The following NLK variants were observed in gnomAD, a reference collection of about 807,000 sequenced individuals.
NLK encodes nemo like kinase.
A neutral mutation model predicts 59.0 loss-of-function variants in NLK; 11 were observed. The ratio of observed to expected loss-of-function variants is 0.19; its 90% confidence interval spans 0.12 to 0.31. NLK has a LOEUF of 0.31. NLK is among the 10% of genes least tolerant of loss of function. The pLI is 1.00. For missense variants in NLK, 410 were observed against 661.1 expected (o/e 0.62, Z 4.16); for synonymous variants, 235 against 235.9 (o/e 1.00, Z 0.03).
Position 28,194,978 on chromosome 17 carries a change from A to T in NLK, c.*342A>T. 1 of 179,262 alleles carries T rather than the reference A, an allele frequency of 5.6e-6. No homozygotes were observed. 11.1% of individuals were successfully genotyped at this position (179,262 alleles called of 1,614,324 possible). A position where few individuals can be genotyped will look rare whatever the true frequency, so the allele number is the denominator to read the frequency against. On this transcript the variant is annotated 3_prime_UTR_variant, in exon 11 of 11. Coordinates refer to ENST00000407008, the MANE Select transcript of NLK (RefSeq NM_016231.5). The stretch of plus-strand genomic sequence containing the variant: ...TTTTTCTTTTCTAAAATGAAGTGAG[A>T]TTGTTCACACACACACACACACACA...
At chr17:28,147,124 T>C (rs1907289136) in intron 3 of NLK, among the ~76,000 whole-genome samples, 1 of 152,168 alleles carries the variant, frequency 6.6e-6, no homozygotes, top group Non-Finnish European at 1.5e-5. Context: ...CATTCATCCA[T>C]CTTTTTTCTC....
At chr17:28,061,999 T>C (rs1909677028) in intron 1 of NLK, 1 of 150,356 alleles carries the variant, frequency 6.7e-6, no homozygotes, top group Non-Finnish European at 1.5e-5. Context: ...TTGCTTCCTC[T>C]TGCTGGACTT....
Position 28,043,164 on chromosome 17 carries a change from G to C in NLK, c.291G>C (p.Pro97=). ...PGQQQPYFPS[P]APGQAPGPAA... Reference sequence around the variant, plus strand: ...AACAACAGCCATATTTCCCATCACCGGCACCGGGGCAGGCTCCTGGACCAG... The same window carrying C: ...AACAACAGCCATATTTCCCATCACCCGCACCGGGGCAGGCTCCTGGACCAG... Residue 97 remains proline (P), a synonymous_variant, in exon 1 of 11, where the codon CCG becomes CCC. Transcript: ENST00000407008. 6.2e-7 allele frequency: 1 copy of C among 1,613,692 alleles called. No homozygotes were observed. Among genetic ancestry groups the C allele is most frequent in the Non-Finnish European group, 8.5e-7 (1 of 1,179,766 alleles).
At chr17:28,168,697 C>A (rs1001605238) in intron 6 of NLK, 40 bp downstream of exon 6, 3 of 1,502,244 alleles carry the variant, frequency 2.0e-6, no homozygotes, top group East Asian at 2.3e-5. Flanking sequence ...AATTCTATTG[C>A]AGATTTGAAG....
At chr17:28,176,195 G>A (rs934295543) in intron 7 of NLK, among the ~76,000 whole-genome samples, 6 of 152,122 alleles carry the variant, frequency 3.9e-5, no homozygotes, top group African/African-American at 9.7e-5. Context: ...TCATTTGGGG[G>A]TCTAACTGGG....
chr17:28,106,286 G>A (rs1160112932), intron 1 of NLK, among the ~76,000 whole-genome samples: 1 of 151,968 alleles, frequency 6.6e-6, no homozygotes, highest in African/African-American at 2.4e-5. Context: ...GAACACTATA[G>A]CATTTCAATT....
chr17:28,175,354 G>A (rs575846241), intron 7 of NLK, among the ~76,000 whole-genome samples: 4 of 151,852 alleles, frequency 2.6e-5, no homozygotes, highest in South Asian at 2.1e-4. Flanking sequence ...CTCGGGAGGC[G>A]GCAGGAGAAT....
intron 8 of NLK, 73 bp downstream of exon 8, chr17:28,185,338 T>G: frequency 1.1e-6 from 1 of 931,816 alleles, no homozygotes; most frequent in Non-Finnish European, 1.6e-6. Flanking sequence ...ATTGTGGTTT[T>G]GAATAGATTG....
chr17:28,108,573 A>G (rs1200581850), intron 1 of NLK, among the ~76,000 whole-genome samples: 1 of 152,230 alleles, frequency 6.6e-6, no homozygotes, highest in African/African-American at 2.4e-5. Flanking sequence ...TTTTAACAAT[A>G]GATGATATAG....
intron 1 of NLK, among the ~76,000 whole-genome samples, chr17:28,064,658 A>T (rs1909769100): frequency 6.6e-6 from 1 of 152,292 alleles, no homozygotes; most frequent in South Asian, 2.1e-4. Flanking sequence ...TCAGCCTCCC[A>T]AGTAGCTGGG....
intron 1 of NLK, among the ~76,000 whole-genome samples, chr17:28,058,020 C>T (rs1909501407): frequency 6.6e-6 from 1 of 152,210 alleles, no homozygotes; most frequent in Admixed American, 6.5e-5. Context: ...AATCCAATGA[C>T]AGCAAGGCTT....
intron 3 of NLK, among the ~76,000 whole-genome samples, chr17:28,155,046 A>T (rs2142042353): frequency 6.6e-6 from 1 of 152,344 alleles, no homozygotes; most frequent in Non-Finnish European, 1.5e-5. Context: ...CAAAAAATAA[A>T]ATAGTAAAAA....
chr17:28,190,821 A>T (rs1909279410), intron 8 of NLK, 200 bp from the exon 9 acceptor site: 1 of 472,436 alleles, frequency 2.1e-6, no homozygotes, highest in Admixed American at 3.8e-5. Flanking sequence ...ATGGTAGATA[A>T]TAACAGTAGT....
intron 1 of NLK, among the ~76,000 whole-genome samples, chr17:28,074,432 T>G (rs946083267): frequency 3.3e-5 from 5 of 152,250 alleles, no homozygotes; most frequent in Non-Finnish European, 5.9e-5. Flanking sequence ...ATGGATACAG[T>G]GATAGATTTT....
intron 1 of NLK, among the ~76,000 whole-genome samples, chr17:28,060,574 A>AAGAGCTC (rs1909597983): frequency 6.6e-6 from 1 of 152,144 alleles, no homozygotes; most frequent in South Asian, 2.1e-4. Context: ...ACCCAGCCTA[A>AAGAGCTC]AGAGCTCTTA....
At chr17:28,118,324 G>C (rs1398729668) in intron 1 of NLK, among the ~76,000 whole-genome samples, 1 of 152,124 alleles carries the variant, frequency 6.6e-6, no homozygotes, top group Non-Finnish European at 1.5e-5. Context: ...AGAATTACAA[G>C]AACCTGATTT....
At chr17:28,193,784 T>C (rs1439636355) in intron 10 of NLK, among the ~76,000 whole-genome samples, 5 of 152,236 alleles carry the variant, frequency 3.3e-5, no homozygotes, top group African/African-American at 1.2e-4. Context: ...CTTTCATTTC[T>C]TCCATGTATT....
At chr17:28,137,530 G>A (rs968848925) in intron 3 of NLK, among the ~76,000 whole-genome samples, 19 of 151,952 alleles carry the variant, frequency 1.3e-4, no homozygotes, top group African/African-American at 7.2e-5. Context: ...ACCAGCAGGC[G>A]CTTTTAAACC....
chr17:28,110,724 T>G (rs1334019986), intron 1 of NLK, among the ~76,000 whole-genome samples: 2 of 152,192 alleles, frequency 1.3e-5, no homozygotes, highest in African/African-American at 4.8e-5. Context: ...TTCTCTAGAA[T>G]CTGATTTTGT....
Sources: allele counts gnomAD v4.1 joint callset (sites outside exome capture counted in the v4.1 genomes callset), GRCh38; gene constraint gnomAD v4.1.1; transcripts MANE v1.5; gene names NCBI Gene and HGNC (gene_info 2026-07-23, HGNC 2026-07-21).